Variants in DAB2 observed in about 807,000 individuals in gnomAD.
The protein encoded by DAB2 is disabled homolog 2.
In DAB2, 28 loss-of-function variants were observed where a neutral mutation model predicts 71.6. The observed-to-expected ratio is 0.39, with a 90% confidence interval of 0.29 to 0.54. The LOEUF is 0.54. Ranked by LOEUF, DAB2 falls within the 20% of genes least tolerant of loss-of-function variation. The probability of loss-of-function intolerance (pLI) is 0.68; values close to 1 mark genes in which losing one functional copy is unlikely to be tolerated. For synonymous variants in DAB2, 345 were observed against 339.7 expected, an observed-to-expected ratio of 1.02 and a Z score of -0.17; for missense variants, 867 against 928.8, an observed-to-expected ratio of 0.93 and a Z score of 0.86.
At chr5:39,404,459 C>CT (rs1203120241) in intron 1 of DAB2, among the ~76,000 whole-genome samples, 3 of 106,434 alleles carry the variant, frequency 2.8e-5, no homozygotes, top group African/African-American at 1.1e-4. Context: ...GTATTATTAT[C>CT]TAAAAAAAAA....
intron 1 of DAB2, chr5:39,417,346 T>C (rs895502966): frequency 1.3e-5 from 2 of 151,974 alleles, no homozygotes; most frequent in African/African-American, 4.8e-5. Flanking sequence ...TGGCTCAGTA[T>C]AATTCATCCC....
chr5:39,376,168 C>T (rs548680411), intron 12 of DAB2, 62 bp from the exon 13 acceptor site: 37 of 1,282,232 alleles, frequency 2.9e-5, no homozygotes, highest in African/African-American at 7.5e-5. Flanking sequence ...GGCCAGTCCC[C>T]GAGTCAGCTT....
At chr5:39,407,148 C>T (rs1171520982) in intron 1 of DAB2, among the ~76,000 whole-genome samples, 2 of 152,204 alleles carry the variant, frequency 1.3e-5, no homozygotes. Flanking sequence ...GTTTTCATGT[C>T]TGTCCTTTCT....
intron 1 of DAB2, among the ~76,000 whole-genome samples, chr5:39,404,072 T>G (rs1489338863): frequency 6.6e-6 from 1 of 152,074 alleles, no homozygotes; most frequent in Non-Finnish European, 1.5e-5. Context: ...TTGTGAATAG[T>G]GCCACAATAA....
intron 1 of DAB2, chr5:39,418,261 A>G (rs556152330): frequency 6.6e-6 from 1 of 152,332 alleles, no homozygotes; most frequent in South Asian, 2.1e-4. Context: ...ATTTCGTCCC[A>G]AAGCCAAACT....
At chr5:39,388,686 C>A in intron 8 of DAB2, 113 bp downstream of exon 8, 1 of 852,192 alleles carries the variant, frequency 1.2e-6, no homozygotes, top group Non-Finnish European at 1.9e-6. Flanking sequence ...ACAGTTGTCT[C>A]AATTGGATTT....
chr5:39,376,519 C>T, intron 12 of DAB2, 131 bp downstream of exon 12: 1 of 1,095,430 alleles, frequency 9.1e-7, no homozygotes, highest in East Asian at 2.4e-5. Context: ...TCTCCGTAAC[C>T]CTTGATTACC....
chr5:39,404,444 T>C (rs1240616634), intron 1 of DAB2, among the ~76,000 whole-genome samples: 2 of 129,182 alleles, frequency 1.5e-5, no homozygotes, highest in African/African-American at 5.8e-5. Context: ...AAAAAATAAA[T>C]GCATGTATTA....
chr5:39,390,381 G>C (rs1054513823), intron 5 of DAB2, 63 bp downstream of exon 5: 94 of 1,540,438 alleles, frequency 6.1e-5, no homozygotes, highest in Middle Eastern at 1.7e-4. Flanking sequence ...TTAGTTGAGT[G>C]ACAGACACTC....
chr5:39,375,737 T>C (rs1754811355), intron 13 of DAB2, among the ~76,000 whole-genome samples: 5 of 152,000 alleles, frequency 3.3e-5, no homozygotes, highest in Admixed American at 3.3e-4. Context: ...AATACAAAAA[T>C]TAGCCAGGTG....
chr5:39,376,461 A>G (rs1754833195), intron 12 of DAB2, among the ~76,000 whole-genome samples, 189 bp downstream of exon 12: 1 of 152,190 alleles, frequency 6.6e-6, no homozygotes, highest in South Asian at 2.1e-4. Flanking sequence ...CAGTCCTCAG[A>G]AATGACTAAG....
At chr5:39,403,489 G>T (rs954586986) in intron 1 of DAB2, among the ~76,000 whole-genome samples, 1 of 152,130 alleles carries the variant, frequency 6.6e-6, no homozygotes, top group African/African-American at 2.4e-5. Flanking sequence ...GTATTTTATA[G>T]ATGTTTTCTG....
intron 1 of DAB2, among the ~76,000 whole-genome samples, chr5:39,395,187 A>T (rs1168569281): frequency 6.6e-6 from 1 of 151,444 alleles, no homozygotes. Flanking sequence ...CGCAGAAGTG[A>T]GCTAACTTTC....
chr5:39,388,246 G>T, intron 9 of DAB2, 59 bp downstream of exon 9: 1 of 1,250,480 alleles, frequency 8.0e-7, no homozygotes, highest in Non-Finnish European at 1.2e-6. Flanking sequence ...TCTGGTTATT[G>T]CCAATTTGAG....
At chr5:39,404,753 G>A (rs375266496) in intron 1 of DAB2, among the ~76,000 whole-genome samples, 46 of 151,912 alleles carry the variant, frequency 3.0e-4, no homozygotes, top group Admixed American at 2.3e-3. Context: ...TAATTTTTGC[G>A]TTTTTAGTAG....
At position 39,377,208 on chromosome 5, in the gene DAB2, T is replaced by C. The variant is rs1486849551; in HGVS notation, c.1579A>G (p.Met527Val). 4 of 1,614,034 alleles carry C rather than the reference T, an allele frequency of 2.5e-6. No individual in the cohort carries two copies. The highest frequency in any genetic ancestry group is 1.7e-5 in the Admixed American group (1 of 60,012). The change falls in exon 12 of 15, where the codon ATG (methionine) becomes GTG (valine). Residue 527 changes from methionine to valine, a missense_variant. This residue lies in a region of DAB2 where 740 missense variants were observed against 734.3 expected (regional missense o/e 1.01). Coordinates refer to ENST00000320816, the MANE Select transcript of DAB2 (RefSeq NM_001343.4). ...CCACCCATCATGGCTCCCGGAGCCA[T>C]TGAAGGGGACTGATTGAAGACCAAA... ...ASLVFNQSPS[M>V]APGAMMGGQP...
At chr5:39,383,963 AG>A (rs1342065052) in intron 9 of DAB2, among the ~76,000 whole-genome samples, 19 of 152,218 alleles carry the variant, frequency 1.2e-4, no homozygotes, top group Admixed American at 6.5e-5. Flanking sequence ...ATAGTCAAGT[AG>A]GATCTCATCC....
At chr5:39,396,433 T>C (rs1755372086) in intron 1 of DAB2, among the ~76,000 whole-genome samples, 2 of 152,236 alleles carry the variant, frequency 1.3e-5, no homozygotes, top group African/African-American at 4.8e-5. Flanking sequence ...CACTGGACTA[T>C]AATCTCCTTG....
At chr5:39,381,820 A>G (rs1579902438) in intron 10 of DAB2, among the ~76,000 whole-genome samples, 1 of 152,250 alleles carries the variant, frequency 6.6e-6, no homozygotes, top group Non-Finnish European at 1.5e-5. Context: ...CGGACTACTG[A>G]GTCTTAGTGT....
Sources: allele counts gnomAD v4.1 joint callset (sites outside exome capture counted in the v4.1 genomes callset), GRCh38; gene constraint gnomAD v4.1.1; regional missense constraint gnomAD v4.1.1; transcripts MANE v1.5; gene names NCBI Gene and HGNC (gene_info 2026-07-23, HGNC 2026-07-21).